The following RNF40 variants were observed in gnomAD, a reference collection of about 807,000 sequenced individuals.
RNF40 encodes the protein ring finger protein 40, also known as E3 ubiquitin-protein ligase BRE1B.
A neutral mutation model predicts 123.3 loss-of-function variants in RNF40; 39 were observed. That is an observed-to-expected ratio of 0.32 (90% CI 0.24 to 0.41). The LOEUF (loss-of-function observed/expected upper bound fraction) is 0.41. RNF40 is among the 10% of genes least tolerant of loss of function. The pLI, the probability that RNF40 is intolerant of heterozygous loss-of-function variation, is 1.00. For synonymous variants in RNF40, 538 were observed against 526.0 expected, an observed-to-expected ratio of 1.02 and a Z score of -0.31; for missense variants, 1,003 against 1,319.9, an observed-to-expected ratio of 0.76 and a Z score of 3.72.
At chr16:30,771,695 C>T in intron 17 of RNF40, 138 bp from the exon 18 acceptor site, 1 of 905,926 alleles carries the variant, frequency 1.1e-6, no homozygotes, top group Non-Finnish European at 1.6e-6. Flanking sequence ...GAGGGGAGGG[C>T]TTAGGGCTCA....
rs1249278132 is a variant in RNF40, at chr16:30,772,201, G to A, written c.2829+11G>A. On this transcript the variant is annotated intron_variant, in intron 19 of 19. Transcript: ENST00000324685. ...ATCAAGGAGTACAAGGTGGGGCTGT[G>A]GGCCAAGTTGTGCCCTATCCACCTG... 1 of 1,546,836 alleles carries A rather than the reference G, an allele frequency of 6.5e-7. No homozygotes were observed. Among genetic ancestry groups the A allele is most frequent in the Non-Finnish European group, 8.8e-7 (1 of 1,142,498 alleles).
At chr16:30,771,560 T>A (rs1407995168) in intron 17 of RNF40, among the ~76,000 whole-genome samples, 1 of 151,984 alleles carries the variant, frequency 6.6e-6, no homozygotes, top group Non-Finnish European at 1.5e-5. Flanking sequence ...GAGGTTGCAG[T>A]GAGCTGAGAT....
chr16:30,773,897 T>C (rs2054190381), intron 19 of RNF40, 41 bp from the exon 20 acceptor site: 1 of 1,582,864 alleles, frequency 6.3e-7, no homozygotes, highest in Non-Finnish European at 8.6e-7. Flanking sequence ...GTCTGGGCAC[T>C]GTCAGAGTTG....
Position 30,774,195 on chromosome 16 carries a change from C to A in RNF40, c.*81C>A. ...CTCCTCCCCACCCCAGGTCTAGTGG[C>A]CCCACCCTCCATTCCGGACCCCATG... On this transcript the variant is annotated 3_prime_UTR_variant, in exon 20 of 20. Coordinates refer to ENST00000324685, the MANE Select transcript of RNF40 (RefSeq NM_014771.4). 1 of 1,434,692 alleles carries A rather than the reference C, an allele frequency of 7.0e-7. No homozygotes were observed. Among genetic ancestry groups the A allele is most frequent in the Non-Finnish European group, 9.4e-7 (1 of 1,062,444 alleles). The allele number at this position is 1,434,692 out of a possible 1,614,324, so 88.9% of individuals were successfully genotyped here.
intron 17 of RNF40, among the ~76,000 whole-genome samples, chr16:30,769,868 C>T (rs903733564): frequency 3.9e-5 from 6 of 152,126 alleles, no homozygotes; most frequent in South Asian, 2.1e-4. Flanking sequence ...GAAACAGAGG[C>T]GGGAGGTTTG....
chr16:30,764,806 C>G, intron 5 of RNF40, 132 bp from the exon 6 acceptor site: 1 of 1,318,430 alleles, frequency 7.6e-7, no homozygotes, highest in Non-Finnish European at 1.0e-6. Context: ...GGGATAAAGA[C>G]TCCTGGCTTT....
chr16:30,762,029 C>T, upstream of RNF40: 1 of 494,312 alleles, frequency 2.0e-6, no homozygotes, highest in Non-Finnish European at 3.6e-6. Flanking sequence ...TGCGAGTGCC[C>T]ACCTGGGCGC....
At chr16:30,770,119 A>ATGGTTTTTTTTTTTTTTTTT (rs144255833) in intron 17 of RNF40, among the ~76,000 whole-genome samples, 2 of 98,846 alleles carry the variant, frequency 2.0e-5, no homozygotes, top group Non-Finnish European at 3.9e-5. Context: ...AAAACAAAAG[A>ATGGTTTTTTTTTTTTTTTTT]TTTTTGAGTT....
chr16:30,769,020 G>A (rs374708232), intron 15 of RNF40, 33 bp downstream of exon 15: 53 of 1,612,976 alleles, frequency 3.3e-5, no homozygotes, highest in Admixed American at 1.2e-4. Context: ...GCGTCGGAGC[G>A]CAGGGAGTTC....
Position 30,775,191 on chromosome 16 carries a change from C to T in RNF40, c.*1077C>T, listed in dbSNP as rs2054212313. 1 of 352,722 alleles carries T rather than the reference C, an allele frequency of 2.8e-6. No homozygotes were observed. The highest frequency in any genetic ancestry group is 5.6e-6 in the Non-Finnish European group (1 of 178,804). The allele number at this position is 352,722 out of a possible 1,614,324, so 21.8% of individuals were successfully genotyped here. A position where few individuals can be genotyped will look rare whatever the true frequency, so the allele number is the denominator to read the frequency against. On this transcript the variant is annotated 3_prime_UTR_variant, in exon 20 of 20. Coordinates refer to ENST00000324685, the MANE Select transcript of RNF40 (RefSeq NM_014771.4). ...TAAACGTTCAACCCTCGGCCTGCAG[C>T]CAGAGTAGCCAGGCCGCGCACCCCA...
At chr16:30,767,403 A>G (rs2054054340) in intron 11 of RNF40, among the ~76,000 whole-genome samples, 1 of 152,186 alleles carries the variant, frequency 6.6e-6, no homozygotes, top group South Asian at 2.1e-4. Flanking sequence ...AGGCCAGGGA[A>G]ATGTACTGGG....
At chr16:30,762,265 C>T (rs2053853675), upstream of RNF40, 1 of 442,342 alleles carries the variant, frequency 2.3e-6, no homozygotes, top group African/African-American at 2.1e-5. Context: ...GCGCCTGCGC[C>T]CTGCGCACCG....
In RNF40 at chr16:30,766,654, G is replaced by A; in HGVS notation, c.1294-87G>A. 7 of 1,589,968 alleles carry A rather than the reference G, an allele frequency of 4.4e-6. No homozygotes were observed. The highest frequency in any genetic ancestry group is 6.0e-6 in the Non-Finnish European group (7 of 1,165,828). ...CCGAGGCCCTGTGTGCCAGCCAGGG[G>A]TCCCTGGGGAATAGATTCTTCCTAA... On this transcript the variant is annotated intron_variant, in intron 10 of 19. Coordinates refer to ENST00000324685, the MANE Select transcript of RNF40 (RefSeq NM_014771.4). This position sits in a 1 kb window ranked among gnomAD's most constrained non-coding sequence, Gnocchi z 5.4.
In RNF40 at chr16:30,765,040, A is replaced by G. The variant is rs2054002208; in HGVS notation, c.752A>G (p.His251Arg). 1.2e-6 allele frequency: 2 copies of G among 1,614,018 alleles called. No homozygotes were observed. The highest frequency in any genetic ancestry group is 1.7e-6 in the Non-Finnish European group (2 of 1,179,992). ...TTGGCCACTCAGCTGCAGGAGAAACACCACCGCATCTCATTGGAGGTGAGG... is the reference window on the plus strand; with the variant it reads ...TTGGCCACTCAGCTGCAGGAGAAACGCCACCGCATCTCATTGGAGGTGAGG... ...QDLATQLQEK[H>R]HRISLEYSEL... The change falls in exon 6 of 20, where the codon CAC becomes CGC. Residue 251 changes from histidine to arginine, a missense_variant. Physicochemically the swap from His to Arg is conservative, Grantham distance 29 (BLOSUM62 0). Transcript: ENST00000324685.
chr16:30,771,128 G>A (rs75500538), intron 17 of RNF40, among the ~76,000 whole-genome samples: 10,331 of 152,256 alleles, frequency 0.068, 467 homozygotes, highest in Non-Finnish European at 0.11. Flanking sequence ...TCAGGTCTTG[G>A]CAGGCAGAGC....
chr16:30,767,737 C>A, intron 11 of RNF40, 157 bp from the exon 12 acceptor site: 1 of 880,922 alleles, frequency 1.1e-6, no homozygotes, highest in Non-Finnish European at 1.7e-6. Flanking sequence ...TCCTTGAAGT[C>A]AGCATTATTT....
chr16:30,768,794 G>A lies in RNF40; in HGVS notation c.2098-44G>A. The A allele has an allele frequency of 1.9e-6, 3 of 1,614,068 alleles. No individual in the cohort carries two copies. Among genetic ancestry groups the A allele is most frequent in the Non-Finnish European group, 2.5e-6 (3 of 1,180,000 alleles). ...AAAGGCAGAGCAGAGTCCTAGCTCA[G>A]CAGGAAGCAGTGTCAAGAGAGTTTC... On this transcript the variant is annotated intron_variant, in intron 14 of 19. Transcript: ENST00000324685. This position sits in a 1 kb window ranked among gnomAD's most constrained non-coding sequence, Gnocchi z 4.1.
At chr16:30,767,764 G>A (rs2054065026) in intron 11 of RNF40, 130 bp from the exon 12 acceptor site, 4 of 1,230,736 alleles carry the variant, frequency 3.3e-6, no homozygotes, top group African/African-American at 1.5e-5. Flanking sequence ...ATGAGTTCAT[G>A]CTCCGTTGAG....
Position 30,769,515 on chromosome 16 carries a change from A to C in RNF40, c.2501A>C (p.Lys834Thr). The C allele has an allele frequency of 6.2e-7, 1 of 1,613,406 alleles. No homozygotes were observed. Among genetic ancestry groups the C allele is most frequent in the East Asian group, 2.2e-5 (1 of 44,864 alleles). The change falls in exon 17 of 20, where the codon AAG becomes ACG. Residue 834 changes from lysine (K) to threonine (T), a missense_variant. By Grantham distance (78) the Lys-to-Thr change is moderately conservative (BLOSUM62 -1). Coordinates refer to ENST00000324685, the MANE Select transcript of RNF40 (RefSeq NM_014771.4). ...CTGACTGTGCAGAAGCTAGAGGAGAAGGAGCGAGCCTTGCAGGGCAGCCTC... is the reference window on the plus strand; with the variant it reads ...CTGACTGTGCAGAAGCTAGAGGAGACGGAGCGAGCCTTGCAGGGCAGCCTC... ...QLLTVQKLEEKERALQGSLGG... is the reference protein window; with the variant it reads ...QLLTVQKLEETERALQGSLGG...
Sources: allele counts gnomAD v4.1 joint callset (sites outside exome capture counted in the v4.1 genomes callset), GRCh38; gene constraint gnomAD v4.1.1; non-coding constraint Gnocchi (gnomAD v3.1); transcripts MANE v1.5; gene names NCBI Gene and HGNC (gene_info 2026-07-23, HGNC 2026-07-21).